The following IL1RAPL2 variants were observed in gnomAD, a reference collection of about 807,000 sequenced individuals.
IL1RAPL2 encodes the protein X-linked interleukin-1 receptor accessory protein-like 2.
Under a neutral mutation model 44.1 loss-of-function variants are expected in IL1RAPL2, and 3 were observed. That is an observed-to-expected ratio of 0.07 (90% CI 0.03 to 0.18). The LOEUF is 0.18. Ranked by LOEUF, IL1RAPL2 falls within the 10% of genes least tolerant of loss-of-function variation. The pLI is 1.00. For synonymous variants in IL1RAPL2, 181 were observed against 178.8 expected, an observed-to-expected ratio of 1.01 and a Z score of -0.10; for missense variants, 391 against 496.4, an observed-to-expected ratio of 0.79 and a Z score of 2.02.
chrX:104,606,700 TC>T (rs1316668638), intron 1 of IL1RAPL2, among the ~76,000 whole-genome samples: 2 of 110,996 alleles, frequency 1.8e-5, no homozygotes, highest in East Asian at 5.7e-4. Context: ...CATTCACAAT[TC>T]CTACAAAGAG....
chrX:105,449,897 G>A (rs1244013348), intron 5 of IL1RAPL2, among the ~76,000 whole-genome samples: 4 of 112,101 alleles, frequency 3.6e-5, no homozygotes, highest in Non-Finnish European at 7.5e-5. Flanking sequence ...CACCCCTATG[G>A]CCATCACCAC....
intron 2 of IL1RAPL2, among the ~76,000 whole-genome samples, chrX:104,900,191 C>A (rs1352124106): frequency 1.8e-5 from 2 of 111,733 alleles, no homozygotes; most frequent in South Asian, 3.7e-4. Context: ...AAAGAAAAGA[C>A]ACTGCCCGTA....
At chrX:104,627,226 G>A (rs1162838735) in intron 1 of IL1RAPL2, among the ~76,000 whole-genome samples, 4 of 106,657 alleles carry the variant, frequency 3.8e-5, no homozygotes, top group Non-Finnish European at 7.7e-5. Flanking sequence ...TCCCACCTAT[G>A]AGTAAGAACA....
chrX:105,372,078 C>T (rs1262616018), intron 5 of IL1RAPL2, among the ~76,000 whole-genome samples: 1 of 111,288 alleles, frequency 9.0e-6, no homozygotes, highest in East Asian at 2.8e-4. Context: ...TACTTGAATG[C>T]CTCTAACAAC....
At chrX:105,532,183 C>A (rs775436519) in intron 6 of IL1RAPL2, among the ~76,000 whole-genome samples, 1 of 111,685 alleles carries the variant, frequency 9.0e-6, no homozygotes, top group East Asian at 2.8e-4. Flanking sequence ...AATTTGGTGT[C>A]ATTGATTCTA....
At chrX:104,660,807 C>T (rs936407992) in intron 2 of IL1RAPL2, among the ~76,000 whole-genome samples, 2 of 107,952 alleles carry the variant, frequency 1.9e-5, no homozygotes, top group East Asian at 2.9e-4. Context: ...TTGTGGTGCA[C>T]ACCTGTAGTC....
At chrX:105,060,585 C>CTTTTTTTTTTTTTTTTTTTTTTTTTTTT (rs1161187469) in intron 2 of IL1RAPL2, among the ~76,000 whole-genome samples, 49 of 70,130 alleles carry the variant, frequency 7.0e-4, no homozygotes, top group East Asian at 2.6e-3. Context: ...TTTTCTTTTT[C>CTTTTTTTTTTTTTTTTTTTTTTTTTTTT]TTTTTTTTTT....
intron 6 of IL1RAPL2, among the ~76,000 whole-genome samples, chrX:105,649,301 CA>C (rs1467578898): frequency 9.1e-6 from 1 of 109,966 alleles, no homozygotes; most frequent in Non-Finnish European, 1.9e-5. Context: ...ATCAGTCAAG[CA>C]AAAAGAGGCA....
At chrX:105,181,870 C>T (rs1556131082) in intron 2 of IL1RAPL2, among the ~76,000 whole-genome samples, 2 of 109,247 alleles carry the variant, frequency 1.8e-5, no homozygotes, top group African/African-American at 6.7e-5. Context: ...GGAGACCATT[C>T]TGGCTAACAA....
rs1306981108 is a variant in IL1RAPL2 at position 105,574,303 on chromosome X, G to A, written c.772+89916G>A. On this transcript the variant is annotated intron_variant, in intron 6 of 10. Transcript: ENST00000372582. ...TAGTTAGAGGAACTCTTAAGGGAGT[G>A]TTTCTTGAGGATAGGAAAGAATTGC... Among the ~76,000 whole-genome samples, 4 of 111,336 alleles carry A rather than the reference G, an allele frequency of 3.6e-5. No individual in the cohort carries two copies. The Admixed American group carries it at 3.8e-4, about 11-fold the overall frequency.
chrX:105,064,837 G>A (rs2032117499), intron 2 of IL1RAPL2, among the ~76,000 whole-genome samples: 1 of 111,206 alleles, frequency 9.0e-6, no homozygotes, highest in Non-Finnish European at 1.9e-5. Context: ...ATGTGAAGGT[G>A]GAAGGGGAGG....
At chrX:105,312,948 A>G (rs1346646930) in intron 5 of IL1RAPL2, among the ~76,000 whole-genome samples, 1 of 111,990 alleles carries the variant, frequency 8.9e-6, no homozygotes, top group African/African-American at 3.2e-5. Context: ...GATTTAAACC[A>G]CAGTTAATTC....
intron 6 of IL1RAPL2, among the ~76,000 whole-genome samples, chrX:105,644,761 T>A (rs2037594196): frequency 2.7e-5 from 3 of 110,638 alleles, no homozygotes; most frequent in Non-Finnish European, 3.8e-5. Flanking sequence ...TTCCCCAGCC[T>A]CCCATGCCCC....
chrX:104,808,516 T>C (rs1003755450), intron 2 of IL1RAPL2, among the ~76,000 whole-genome samples: 2 of 111,064 alleles, frequency 1.8e-5, no homozygotes, highest in South Asian at 3.8e-4. Flanking sequence ...TTTAGGTGGA[T>C]GGAGGTCAGT....
intron 2 of IL1RAPL2, among the ~76,000 whole-genome samples, chrX:105,193,186 T>C (rs1276897133): frequency 9.0e-6 from 1 of 111,575 alleles, no homozygotes; most frequent in African/African-American, 3.3e-5. Context: ...TAAAGAGATT[T>C]GGGAAGCAAA....
intron 2 of IL1RAPL2, among the ~76,000 whole-genome samples, chrX:104,765,259 A>G (rs1932535884): frequency 9.0e-6 from 1 of 110,743 alleles, no homozygotes; most frequent in South Asian, 3.7e-4. Context: ...TGGTGTGTTG[A>G]TGTTTTGGGT....
intron 6 of IL1RAPL2, among the ~76,000 whole-genome samples, chrX:105,614,089 C>A (rs773670109): frequency 1.8e-5 from 2 of 111,508 alleles, no homozygotes; most frequent in African/African-American, 6.5e-5. Context: ...CAATAGCAAA[C>A]AATAAAACTA....
intron 6 of IL1RAPL2, among the ~76,000 whole-genome samples, chrX:105,627,101 C>A (rs1194651357): frequency 1.8e-5 from 2 of 112,029 alleles, no homozygotes; most frequent in Non-Finnish European, 3.8e-5. Flanking sequence ...AAAAGGCTTT[C>A]TTTCTTTAGT....
At chrX:105,384,931 A>G (rs752466491) in intron 5 of IL1RAPL2, among the ~76,000 whole-genome samples, 4 of 111,555 alleles carry the variant, frequency 3.6e-5, no homozygotes, top group Non-Finnish European at 5.7e-5. Flanking sequence ...CAGAAATGCT[A>G]CTGAATTTGT....
Sources: gnomAD v4.1 joint callset for allele counts (sites outside exome capture counted in the v4.1 genomes callset) on GRCh38, gnomAD v4.1.1 for gene constraint, MANE v1.5 for transcripts, NCBI Gene and HGNC (gene_info 2026-07-23, HGNC 2026-07-21) for gene names.